DCC: variants seen among roughly 807,000 people sequenced by gnomAD.
DCC encodes DCC netrin 1 receptor.
In DCC, 58 loss-of-function variants were observed where a neutral mutation model predicts 172.5. That is an observed-to-expected ratio of 0.34 (90% CI 0.27 to 0.42). The LOEUF is 0.42. Ranked by LOEUF, DCC falls within the 10% of genes least tolerant of loss-of-function variation. The pLI, the probability that DCC is intolerant of heterozygous loss-of-function variation, is 1.00. For synonymous variants in DCC, 709 were observed against 644.5 expected (o/e 1.10, Z -1.52); for missense variants, 1,740 against 1,791.0 (o/e 0.97, Z 0.51).
intron 1 of DCC, among the ~76,000 whole-genome samples, chr18:52,588,787 C>A (rs1193537174): frequency 6.6e-6 from 1 of 151,874 alleles, no homozygotes; most frequent in Non-Finnish European, 1.5e-5. Context: ...AGTCTTAGAC[C>A]ATTTCCTGAC....
chr18:52,907,296 A>G (rs2039899392), intron 3 of DCC, among the ~76,000 whole-genome samples: 3 of 13,640 alleles, frequency 2.2e-4, no homozygotes, highest in Admixed American at 2.2e-3. Context: ...ATATATACAT[A>G]TGGATATATA....
chr18:52,862,502 A>C (rs562658899), intron 2 of DCC, among the ~76,000 whole-genome samples: 1 of 152,224 alleles, frequency 6.6e-6, no homozygotes, highest in East Asian at 1.9e-4. Context: ...CAAGAGTTGG[A>C]GACCAGCCTG....
At chr18:52,601,618 T>C (rs1296543946) in intron 1 of DCC, among the ~76,000 whole-genome samples, 1 of 152,064 alleles carries the variant, frequency 6.6e-6, no homozygotes, top group East Asian at 1.9e-4. Context: ...AGGTTTTCAG[T>C]TAGCATGGAT....
chr18:53,509,173 G>A (rs2046220235), intron 27 of DCC, among the ~76,000 whole-genome samples: 1 of 152,162 alleles, frequency 6.6e-6, no homozygotes, highest in African/African-American at 2.4e-5. Flanking sequence ...AAGCAAAGAG[G>A]GATAAGAAGT....
chr18:53,510,028 T>C (rs761690867), intron 27 of DCC, among the ~76,000 whole-genome samples: 5 of 152,190 alleles, frequency 3.3e-5, no homozygotes, highest in Non-Finnish European at 4.4e-5. Flanking sequence ...CAACAATCTC[T>C]TATTTTTATT....
At chr18:52,920,731 G>A (rs544488490) in intron 3 of DCC, among the ~76,000 whole-genome samples, 41 of 152,240 alleles carry the variant, frequency 2.7e-4, no homozygotes, top group African/African-American at 9.9e-4. Context: ...ATGCTTGAAT[G>A]TTTATAGCAG....
At chr18:52,960,314 A>G (rs1942086693) in intron 5 of DCC, among the ~76,000 whole-genome samples, 1 of 152,164 alleles carries the variant, frequency 6.6e-6, no homozygotes, top group Admixed American at 6.6e-5. Context: ...TTTGTGATAA[A>G]TTACATAAAT....
At chr18:52,911,447 T>G (rs948771922) in intron 3 of DCC, among the ~76,000 whole-genome samples, 1 of 150,250 alleles carries the variant, frequency 6.7e-6, no homozygotes, top group Non-Finnish European at 1.5e-5. Flanking sequence ...ATATTCAGAT[T>G]AAGTAACATG....
intron 1 of DCC, among the ~76,000 whole-genome samples, chr18:52,486,321 C>T (rs1466307641): frequency 6.6e-6 from 1 of 152,008 alleles, no homozygotes; most frequent in Non-Finnish European, 1.5e-5. Context: ...ATAACATGAT[C>T]CAACTAATGC....
chr18:53,201,181 T>C (rs768082762), intron 9 of DCC, among the ~76,000 whole-genome samples: 2 of 152,122 alleles, frequency 1.3e-5, no homozygotes, highest in Non-Finnish European at 2.9e-5. Context: ...TTTGGGAAAC[T>C]AGGGCTCAGC....
In DCC at chr18:52,804,085, A is replaced by G. The variant is rs2038043327; in HGVS notation, c.412+51711A>G. 2.0e-5 allele frequency among the ~76,000 whole-genome samples: 3 copies of G among 152,090 alleles called. No individual in the cohort carries two copies. In the South Asian group the frequency reaches 6.2e-4, roughly 32 times the overall value. On this transcript the variant is annotated intron_variant, in intron 2 of 28. Coordinates refer to ENST00000442544, the MANE Select transcript of DCC (RefSeq NM_005215.4). Reference sequence around the variant, plus strand: ...AGATTGATAACCTGGCCCCTGTACAATGTGTGTGGGCCACCTTGAAGAGGA... The same window carrying G: ...AGATTGATAACCTGGCCCCTGTACAGTGTGTGTGGGCCACCTTGAAGAGGA...
chr18:53,070,186 G>A lies in DCC; in HGVS notation c.1261+4020G>A, dbSNP rs1030350320. On this transcript the variant is annotated intron_variant, in intron 7 of 28. Transcript: ENST00000442544. The stretch of plus-strand genomic sequence containing the variant: ...TTATTTATTGGTATTTTTTAATAGA[G>A]ACAGGGTTTCACCAGATTAGCCAGG... Among the ~76,000 whole-genome samples the A allele has an allele frequency of 9.2e-5, 14 of 152,116 alleles. No individual in the cohort carries two copies. In the East Asian group the frequency reaches 2.5e-3, roughly 27 times the overall value.
chr18:52,860,044 C>T (rs952473823), intron 2 of DCC, among the ~76,000 whole-genome samples: 4 of 152,212 alleles, frequency 2.6e-5, no homozygotes, highest in Non-Finnish European at 4.4e-5. Flanking sequence ...CTAGCAGGTG[C>T]ATTGCCAATG....
At chr18:52,425,921 A>G (rs1227720306) in intron 1 of DCC, among the ~76,000 whole-genome samples, 2 of 152,148 alleles carry the variant, frequency 1.3e-5, no homozygotes, top group Non-Finnish European at 2.9e-5. Flanking sequence ...CAGTCAATAA[A>G]TATAATATTC....
chr18:53,217,326 C>G (rs908507074), intron 12 of DCC, among the ~76,000 whole-genome samples: 41 of 123,556 alleles, frequency 3.3e-4, no homozygotes, highest in African/African-American at 1.0e-3. Flanking sequence ...CACACACACA[C>G]ACACACACAA....
intron 12 of DCC, among the ~76,000 whole-genome samples, chr18:53,257,607 GGT>G (rs1260093307): frequency 2.0e-5 from 3 of 152,124 alleles, no homozygotes; most frequent in Non-Finnish European, 2.9e-5. Context: ...TGCTGGATTT[GGT>G]TTGCCAGTAT....
chr18:52,836,819 G>C (rs980466494), intron 2 of DCC, among the ~76,000 whole-genome samples: 1 of 152,184 alleles, frequency 6.6e-6, no homozygotes, highest in African/African-American at 2.4e-5. Flanking sequence ...TGCCCCACTG[G>C]AGACTCTGTT....
intron 1 of DCC, among the ~76,000 whole-genome samples, chr18:52,624,656 T>C (rs969790962): frequency 1.2e-4 from 19 of 152,170 alleles, no homozygotes; most frequent in Admixed American, 2.0e-4. Flanking sequence ...CTAGAAGTAA[T>C]ATTGGTATTA....
chr18:53,157,024 T>G (rs1455473806), intron 7 of DCC, among the ~76,000 whole-genome samples: 1 of 152,202 alleles, frequency 6.6e-6, no homozygotes, highest in African/African-American at 2.4e-5. Flanking sequence ...ACTCAAGTGC[T>G]TGTTAAAAAT....
Sources: allele counts gnomAD v4.1 joint callset (sites outside exome capture counted in the v4.1 genomes callset), GRCh38; gene constraint gnomAD v4.1.1; transcripts MANE v1.5; gene names NCBI Gene and HGNC (gene_info 2026-07-23, HGNC 2026-07-21).